The following LNX2 variants were observed in gnomAD, a reference collection of about 807,000 sequenced individuals.
LNX2 encodes the protein ligand of numb-protein X 2, also known as ligand of Numb protein X 2.
Under a neutral mutation model 66.2 loss-of-function variants are expected in LNX2, and 35 were observed. That is an observed-to-expected ratio of 0.53 (90% CI 0.40 to 0.70). LNX2 has a LOEUF of 0.70. LNX2 is among the 30% of genes least tolerant of loss of function. LNX2 has a pLI of 0.00. For missense variants in LNX2, 791 were observed against 850.8 expected (o/e 0.93, Z 0.87); for synonymous variants, 337 against 315.6 (o/e 1.07, Z -0.72).
intron 1 of LNX2, among the ~76,000 whole-genome samples, chr13:27,608,952 G>C (rs1288839223): frequency 6.6e-6 from 1 of 151,778 alleles, no homozygotes; most frequent in Non-Finnish European, 1.5e-5. Flanking sequence ...CTATAGATGT[G>C]TACCACCATG....
In LNX2 at chr13:27,567,763, C is replaced by T; in HGVS notation, c.732G>A (p.Gln244=). 6 of 1,613,922 alleles carry T rather than the reference C, an allele frequency of 3.7e-6. No homozygotes were observed. Among genetic ancestry groups the T allele is most frequent in the Non-Finnish European group, 4.2e-6 (5 of 1,179,920 alleles). Reference sequence around the variant, plus strand: ...TGCCACCCACAATGCTGATTCCTAACTGAATGTAAGGATTGGACCGATGAA... The same window carrying T: ...TGCCACCCACAATGCTGATTCCTAATTGAATGTAAGGATTGGACCGATGAA... ...IEIHRSNPYI[Q]LGISIVGGNE... Residue 244 remains glutamine (Q), a synonymous_variant, in exon 4 of 10, where the codon CAG becomes CAA. Coordinates refer to ENST00000316334, the MANE Select transcript of LNX2 (RefSeq NM_153371.4).
At chr13:27,594,592 G>C (rs1471411538) in intron 1 of LNX2, among the ~76,000 whole-genome samples, 2 of 152,084 alleles carry the variant, frequency 1.3e-5, no homozygotes, top group Non-Finnish European at 2.9e-5. Flanking sequence ...TTAGTATGCA[G>C]TATGAGAATA....
Position 27,613,184 on chromosome 13 carries a change from G to A in LNX2, c.-101+7191C>T, listed in dbSNP as rs188465502. On this transcript the variant is annotated intron_variant, in intron 1 of 9. Coordinates refer to ENST00000316334, the MANE Select transcript of LNX2 (RefSeq NM_153371.4). ...AAAGACAAGTCCAAGGGAGGCAAAG[G>A]TGCCAGTGGGAAGCATATTCCAGGT... Among the ~76,000 whole-genome samples, 7 of 152,248 alleles carry A rather than the reference G, an allele frequency of 4.6e-5. No individual in the cohort carries two copies. In the East Asian group the frequency reaches 1.2e-3, roughly 25 times the overall value.
chr13:27,564,501 G>A (rs1955180615), intron 4 of LNX2, among the ~76,000 whole-genome samples: 1 of 151,904 alleles, frequency 6.6e-6, no homozygotes, highest in Non-Finnish European at 1.5e-5. Context: ...TGATATTGAG[G>A]TAATTTATAA....
chr13:27,577,199 C>T (rs1053065758), intron 2 of LNX2, among the ~76,000 whole-genome samples: 12 of 152,224 alleles, frequency 7.9e-5, no homozygotes, highest in Non-Finnish European at 1.3e-4. Context: ...ATCCTTTGCC[C>T]ATTTAAAATT....
intron 1 of LNX2, among the ~76,000 whole-genome samples, chr13:27,595,500 C>T (rs1024840110): frequency 4.6e-5 from 7 of 152,160 alleles, no homozygotes; most frequent in African/African-American, 1.7e-4. Flanking sequence ...CTTTTACCTG[C>T]CTTACCAATC....
Position 27,550,472 on chromosome 13 carries a change from C to G in LNX2, c.1798G>C (p.Asp600His), listed in dbSNP as rs541323662. The G allele has an allele frequency of 6.2e-7, 1 of 1,613,554 alleles. No homozygotes were observed. Among genetic ancestry groups the G allele is most frequent in the Non-Finnish European group, 8.5e-7 (1 of 1,179,742 alleles). The change falls in exon 9 of 10, where the codon GAT (aspartate) becomes CAT (histidine). Residue 600 changes from aspartate to histidine, a missense_variant. Asp to His is a moderately conservative substitution (Grantham distance 81). Transcript: ENST00000316334. ...GLPSTLHSCH[D>H]IVLRRSYLGS... ...AAGTAACTTCTTCGTAAAACTATAT[C>G]GTGGCAGCTATGAAGTGTGCTATAA...
At chr13:27,610,971 T>TA (rs143808977) in intron 1 of LNX2, among the ~76,000 whole-genome samples, 3,395 of 152,282 alleles carry the variant, frequency 0.022, 137 homozygotes, top group African/African-American at 0.077. Context: ...GGTGAGAACA[T>TA]AGAGCATGTA....
Position 27,583,249 on chromosome 13 carries a change from T to TGCGCGC in LNX2, c.-100-1447_-100-1446insGCGCGC, listed in dbSNP as rs1566124848. Among the ~76,000 whole-genome samples, 29 of 46,762 alleles carry TGCGCGC rather than the reference T, an allele frequency of 6.2e-4. 6 individuals carry two copies. Among genetic ancestry groups the TGCGCGC allele is most frequent in the Admixed American group, 9.9e-4 (5 of 5,072 alleles). 30.7% of individuals were successfully genotyped at this position (46,762 alleles called of 152,430 possible). On this transcript the variant is annotated intron_variant, in intron 1 of 9. Coordinates refer to ENST00000316334, the MANE Select transcript of LNX2 (RefSeq NM_153371.4). ...GTGTGTGTGTGTGTGTGTGTGTGTG[T>TGCGCGC]GTGTGTGCGCGCGTCCTCTCCAACA...
chr13:27,615,519 C>A (rs1257801637), intron 1 of LNX2, among the ~76,000 whole-genome samples: 2 of 152,144 alleles, frequency 1.3e-5, no homozygotes, highest in African/African-American at 4.8e-5. Flanking sequence ...CCCTTCAGCT[C>A]CTCTGCCCTC....
intron 5 of LNX2, among the ~76,000 whole-genome samples, 194 bp downstream of exon 5, chr13:27,562,219 A>T (rs1400299823): frequency 6.6e-6 from 1 of 152,236 alleles, no homozygotes; most frequent in Admixed American, 6.5e-5. Context: ...ATTCACAGGG[A>T]TATAGTTTTT....
At chr13:27,597,312 G>C (rs80181507) in intron 1 of LNX2, among the ~76,000 whole-genome samples, 6,699 of 152,264 alleles carry the variant, frequency 0.044, 210 homozygotes, top group Non-Finnish European at 0.067. Flanking sequence ...AAGAAGCAAA[G>C]TGTTATGCAA....
In LNX2 at chr13:27,569,047, C is replaced by T; in HGVS notation, c.637G>A (p.Glu213Lys). 5.6e-6 allele frequency: 9 copies of T among 1,613,576 alleles called. No individual in the cohort carries two copies. The highest frequency in any genetic ancestry group is 7.6e-6 in the Non-Finnish European group (9 of 1,179,818). The change falls in exon 3 of 10, where the codon GAG becomes AAG. Residue 213 changes from glutamate (E) to lysine (K), a missense_variant. Transcript: ENST00000316334. Reference protein sequence around the residue: ...EPGLDNPAFEESAGADTTQQP... With the variant: ...EPGLDNPAFEKSAGADTTQQP... ...CACATACTGTCAGCTCCAGCGCTCT[C>T]CTCAAAGGCAGGGTTGTCAAGGCCA...
intron 1 of LNX2, among the ~76,000 whole-genome samples, chr13:27,608,037 T>C (rs921265950): frequency 6.6e-6 from 1 of 151,620 alleles, no homozygotes; most frequent in Non-Finnish European, 1.5e-5. Context: ...GTAAACTCCA[T>C]GAGAACAGAG....
intron 2 of LNX2, among the ~76,000 whole-genome samples, chr13:27,575,646 G>A (rs1343717741): frequency 6.6e-6 from 1 of 152,034 alleles, no homozygotes; most frequent in African/African-American, 2.4e-5. Context: ...TGACTTCCCT[G>A]GGTTGCCAGC....
intron 1 of LNX2, among the ~76,000 whole-genome samples, chr13:27,601,314 T>C (rs1290778324): frequency 1.3e-5 from 2 of 152,208 alleles, no homozygotes; most frequent in Non-Finnish European, 2.9e-5. Flanking sequence ...ATATTTTTAC[T>C]GTTCCCTCCC....
At chr13:27,596,164 GAA>G (rs1267563928) in intron 1 of LNX2, among the ~76,000 whole-genome samples, 4 of 151,826 alleles carry the variant, frequency 2.6e-5, no homozygotes, top group Non-Finnish European at 5.9e-5. Flanking sequence ...GTGACAATTT[GAA>G]AAAACGCACA....
intron 2 of LNX2, among the ~76,000 whole-genome samples, chr13:27,570,319 A>G (rs1955263952): frequency 6.6e-6 from 1 of 152,250 alleles, no homozygotes. Context: ...TCATTCAACA[A>G]TATTTTTAAA....
At chr13:27,598,986 T>G (rs1955627702) in intron 1 of LNX2, among the ~76,000 whole-genome samples, 1 of 152,144 alleles carries the variant, frequency 6.6e-6, no homozygotes, top group Non-Finnish European at 1.5e-5. Context: ...CACAAAAAAT[T>G]TTCCACAATT....
Sources: gnomAD v4.1 joint callset for allele counts (sites outside exome capture counted in the v4.1 genomes callset) on GRCh38, gnomAD v4.1.1 for gene constraint, MANE v1.5 for transcripts, NCBI Gene and HGNC (gene_info 2026-07-23, HGNC 2026-07-21) for gene names.